The following RBL2 variants were observed in gnomAD, a reference collection of about 807,000 sequenced individuals.
The protein encoded by RBL2 is retinoblastoma-like protein 2.
Under a neutral mutation model 126.0 loss-of-function variants are expected in RBL2, and 56 were observed. That is an observed-to-expected ratio of 0.44 (90% CI 0.36 to 0.56). The LOEUF (loss-of-function observed/expected upper bound fraction) is 0.56, where lower values mean the gene tolerates loss of function less well. RBL2 is among the 20% of genes least tolerant of loss of function. The pLI is 0.00. For synonymous variants in RBL2, 454 were observed against 478.5 expected (o/e 0.95, Z 0.67); for missense variants, 1,229 against 1,398.2 (o/e 0.88, Z 1.93).
At chr16:53,437,346 A>G (rs764556131) in intron 1 of RBL2, among the ~76,000 whole-genome samples, 6 of 151,408 alleles carry the variant, frequency 4.0e-5, no homozygotes, top group Non-Finnish European at 8.8e-5. Context: ...TATGCTATTG[A>G]TACATATAAG....
At position 53,453,533 on chromosome 16, in the gene RBL2, A is replaced by G. The variant is rs2058136341; in HGVS notation, c.848A>G (p.His283Arg). ...ATCATTGAGAAACTGTGTTCCTTAC[A>G]TGATGGCCTAGTTTTGGAAGCAAAG... is the stretch of plus-strand genomic sequence containing the variant. ...PCIIEKLCSL[H>R]DGLVLEAKGI... Residue 283 changes from histidine (H) to arginine (R), a missense_variant, in exon 6 of 22, where the codon CAT (histidine) becomes CGT (arginine). Physicochemically the swap from His to Arg is conservative, Grantham distance 29 (BLOSUM62 0). This residue lies in a region of RBL2 where 1,070 missense variants were observed against 1,274.3 expected (regional missense o/e 0.84). Transcript: ENST00000262133. 5 of 1,613,304 alleles carry G rather than the reference A, an allele frequency of 3.1e-6. No individual in the cohort carries two copies. Among genetic ancestry groups the G allele is most frequent in the East Asian group, 2.2e-5 (1 of 44,802 alleles).
chr16:53,487,406 T>C (rs1379585107), intron 21 of RBL2, among the ~76,000 whole-genome samples: 2 of 152,210 alleles, frequency 1.3e-5, no homozygotes, highest in African/African-American at 2.4e-5. Flanking sequence ...GGTAAACTGA[T>C]TTTCAACAAA....
Position 53,470,102 on chromosome 16 carries a change from C to T in RBL2, c.2162C>T (p.Pro721Leu). The change falls in exon 15 of 22, where the codon CCA (proline) becomes CTA (leucine). Residue 721 changes from proline to leucine, a missense_variant. Physicochemically the swap from Pro to Leu is moderately conservative, Grantham distance 98. Transcript: ENST00000262133. ...NVSGETVSVT[P>L]VPGQTLVTMA... is the part of the protein sequence containing the mutation. ...TCTGGGGAGACTGTTTCTGTCACAC[C>T]AGTTCCTGGACAGACTTTGGTCACC... The T allele has an allele frequency of 1.2e-6, 2 of 1,614,168 alleles. No individual in the cohort carries two copies. The highest frequency in any genetic ancestry group is 1.7e-6 in the Non-Finnish European group (2 of 1,179,986).
intron 1 of RBL2, among the ~76,000 whole-genome samples, chr16:53,436,063 T>A (rs573695895): frequency 6.6e-6 from 1 of 152,376 alleles, no homozygotes; most frequent in Admixed American, 6.5e-5. Context: ...AAGCTCTTTG[T>A]ATATTTACAT....
Position 53,485,043 on chromosome 16 carries a change from T to C in RBL2, c.3249+3208T>C, listed in dbSNP as rs74017236. 8.5e-3 allele frequency among the ~76,000 whole-genome samples: 1,284 copies of C among 150,848 alleles called. 22 individuals are homozygous for C. The highest frequency in any genetic ancestry group is 0.029 in the African/African-American group (1,198 of 41,206). On this transcript the variant is annotated intron_variant, in intron 21 of 21. Coordinates refer to ENST00000262133, the MANE Select transcript of RBL2 (RefSeq NM_005611.4). ...TGGTAGTCAAGAGATTTCAACATAA[T>C]TGGTACAACAAATAGAGAAAATCAC...
intron 3 of RBL2, among the ~76,000 whole-genome samples, chr16:53,445,343 AAGT>A (rs1448592777): frequency 6.6e-6 from 1 of 151,768 alleles, no homozygotes; most frequent in Non-Finnish European, 1.5e-5. Flanking sequence ...AAAAAAAAAA[AAGT>A]AAATCACTTT....
chr16:53,439,990 T>C lies in RBL2; in HGVS notation c.371+844T>C, dbSNP rs185650657. On this transcript the variant is annotated intron_variant, in intron 2 of 21. Transcript: ENST00000262133. The stretch of plus-strand genomic sequence containing the variant: ...AAAAAAAAAAAAAAGAAGGTTACTA[T>C]TAAAATAATTAGCAGGCTGGGGGCG... Among the ~76,000 whole-genome samples, 24 of 146,714 alleles carry C rather than the reference T, an allele frequency of 1.6e-4. No individual in the cohort carries two copies. In the South Asian group the frequency reaches 4.3e-3, roughly 26 times the overall value.
rs991006576 is a variant in RBL2 at position 53,467,269 on chromosome 16, A to G, written c.1975+100A>G. The G allele has an allele frequency of 1.6e-5, 15 of 933,806 alleles. No homozygotes were observed. In the African/African-American group the frequency reaches 2.3e-4, roughly 15 times the overall value. The allele number at this position is 933,806 out of a possible 1,614,324, so 57.8% of individuals were successfully genotyped here. A position where few individuals can be genotyped will look rare whatever the true frequency, so the allele number is the denominator to read the frequency against. On this transcript the variant is annotated intron_variant, in intron 14 of 21. Coordinates refer to ENST00000262133, the MANE Select transcript of RBL2 (RefSeq NM_005611.4). The stretch of plus-strand genomic sequence containing the variant: ...GAAGTTAATAGGGTATACATAGAAG[A>G]AAATATTCTATGCATTTTTGTACCA...
chr16:53,443,355 A>G (rs1321303142), intron 3 of RBL2: 1 of 152,268 alleles, frequency 6.6e-6, no homozygotes, highest in Non-Finnish European at 1.5e-5. Context: ...AGATCACTAT[A>G]TTAACCACTA....
intron 5 of RBL2, 98 bp downstream of exon 5, chr16:53,451,929 G>A: frequency 1.5e-6 from 2 of 1,374,200 alleles, no homozygotes; most frequent in South Asian, 1.3e-5. Flanking sequence ...ATTTTGAAGA[G>A]CTCCTGTCAT....
intron 4 of RBL2, 47 bp from the exon 5 acceptor site, chr16:53,451,656 A>G: frequency 6.3e-7 from 1 of 1,578,498 alleles, no homozygotes; most frequent in Non-Finnish European, 8.6e-7. Flanking sequence ...TAAAAATGTT[A>G]CAAAGTCAAT....
At chr16:53,443,610 A>G (rs2058036296) in intron 3 of RBL2, among the ~76,000 whole-genome samples, 1 of 152,206 alleles carries the variant, frequency 6.6e-6, no homozygotes, top group South Asian at 2.1e-4. Flanking sequence ...GCAGTTATGG[A>G]ATACACATTT....
chr16:53,481,709 AACAGGCTCCC>A lies in RBL2; in HGVS notation c.3124_3133del (p.Thr1042LeufsTer41). 1 of 1,612,584 alleles carries A rather than the reference AACAGGCTCCC, an allele frequency of 6.2e-7. No individual in the cohort carries two copies. The highest frequency in any genetic ancestry group is 1.1e-5 in the South Asian group (1 of 91,034). On this transcript the variant is annotated frameshift_variant, in exon 21 of 22. Coordinates refer to ENST00000262133, the MANE Select transcript of RBL2 (RefSeq NM_005611.4). LOFTEE classifies it high-confidence loss of function. ...CACTCTCTCCCTATCCATTTGTAAG[AACAGGCTCCC>A]CTCGCCGAATACAGTTGTCTCAAAA...
At chr16:53,479,102 C>G in intron 17 of RBL2, 52 bp from the exon 18 acceptor site, 1 of 1,428,902 alleles carries the variant, frequency 7.0e-7, no homozygotes, top group Non-Finnish European at 9.9e-7. Flanking sequence ...GCTCCTCACA[C>G]TATTATGGTG....
chr16:53,437,089 G>T, intron 1 of RBL2, among the ~76,000 whole-genome samples: 1 of 148,936 alleles, frequency 6.7e-6, no homozygotes, highest in African/African-American at 2.5e-5. Flanking sequence ...AAGTAGTTGT[G>T]AATTTTCTAG....
rs775246724 is a variant in RBL2 at position 53,435,740 on chromosome 16, C to G, written c.240+944C>G. ...AATAGGTCCAGGATGCAAAGCCTAA[C>G]CAAGGTATTATTTAAATATGATGTT... On this transcript the variant is annotated intron_variant, in intron 1 of 21. Coordinates refer to ENST00000262133, the MANE Select transcript of RBL2 (RefSeq NM_005611.4). The G allele has an allele frequency of 3.4e-5, 44 of 1,287,226 alleles. 1 individual carries two copies. In the South Asian group the frequency reaches 5.3e-4, roughly 16 times the overall value. 79.7% of individuals were successfully genotyped at this position (1,287,226 alleles called of 1,614,324 possible). A position where few individuals can be genotyped will look rare whatever the true frequency, so the allele number is the denominator to read the frequency against.
At chr16:53,470,240 GT>G (rs1185888735) in intron 15 of RBL2, 55 bp downstream of exon 15, 2 of 1,564,864 alleles carry the variant, frequency 1.3e-6, no homozygotes, top group African/African-American at 2.7e-5. Flanking sequence ...GTATTGAAAA[GT>G]TACCCGAGGT....
At chr16:53,471,889 A>T (rs746676191) in intron 17 of RBL2, among the ~76,000 whole-genome samples, 25 of 152,208 alleles carry the variant, frequency 1.6e-4, no homozygotes, top group Non-Finnish European at 2.5e-4. Context: ...GTACCTGCAA[A>T]GTAAAACTCC....
At chr16:53,435,009 C>T (rs2057942879) in intron 1 of RBL2, among the ~76,000 whole-genome samples, 2 of 152,316 alleles carry the variant, frequency 1.3e-5, no homozygotes, top group African/African-American at 4.8e-5. Flanking sequence ...GAATGGGGAA[C>T]GCGTCTTGCC....
Sources: allele counts gnomAD v4.1 joint callset (sites outside exome capture counted in the v4.1 genomes callset), GRCh38; gene constraint gnomAD v4.1.1; regional missense constraint gnomAD v4.1.1; transcripts MANE v1.5; gene names NCBI Gene and HGNC (gene_info 2026-07-23, HGNC 2026-07-21).